Variants in PIRT observed in about 807,000 individuals in gnomAD.
PIRT encodes the protein phosphoinositide interacting regulator of transient receptor potential channels.
PIRT carries 6 observed loss-of-function variants against 7.9 expected under a neutral mutation model. The ratio of observed to expected loss-of-function variants is 0.76; its 90% CI spans 0.42 to 1.51. The LOEUF is 1.51. Ranked by LOEUF, PIRT falls within the 40% of genes most tolerant of loss-of-function variation. The pLI is 0.01. For missense variants in PIRT, 170 were observed against 172.9 expected, an observed-to-expected ratio of 0.98 and a Z score of 0.09; for synonymous variants, 78 against 71.8, an observed-to-expected ratio of 1.09 and a Z score of -0.44.
chr17:10,834,896 G>GTT (rs35273994), intron 1 of PIRT, among the ~76,000 whole-genome samples: 61 of 139,236 alleles, frequency 4.4e-4, no homozygotes, highest in African/African-American at 1.4e-3. Context: ...AGCGTTGTTT[G>GTT]TTTTTTTTTT....
chr17:10,837,728 C>T (rs561758927), intron 1 of PIRT, among the ~76,000 whole-genome samples: 2 of 152,308 alleles, frequency 1.3e-5, no homozygotes, highest in South Asian at 4.1e-4. Context: ...GCCCCCCTTC[C>T]TCTGGCCACC....
At chr17:10,833,782 C>A (rs1597588955) in intron 1 of PIRT, among the ~76,000 whole-genome samples, 1 of 151,690 alleles carries the variant, frequency 6.6e-6, no homozygotes, top group East Asian at 1.9e-4. Flanking sequence ...GTCAATGCTA[C>A]ATATGATTAA....
intron 1 of PIRT, among the ~76,000 whole-genome samples, chr17:10,827,684 A>G (rs1905367197): frequency 6.6e-6 from 1 of 151,832 alleles, no homozygotes; most frequent in Non-Finnish European, 1.5e-5. Flanking sequence ...CATGTTGGTC[A>G]GGCTGGTCTT....
intron 1 of PIRT, 139 bp from the exon 2 acceptor site, chr17:10,825,922 G>A (rs1905303334): frequency 3.4e-6 from 1 of 296,060 alleles, no homozygotes; most frequent in Non-Finnish European, 6.1e-6. Flanking sequence ...AAGGAACAGT[G>A]ATGCCATTTT....
chr17:10,836,224 C>T (rs1160662569), intron 1 of PIRT, among the ~76,000 whole-genome samples: 1 of 152,156 alleles, frequency 6.6e-6, no homozygotes, highest in East Asian at 1.9e-4. Context: ...TTTATTTATG[C>T]TTTCTCAAGG....
chr17:10,829,932 GA>G (rs1400400263), intron 1 of PIRT, among the ~76,000 whole-genome samples: 2 of 151,936 alleles, frequency 1.3e-5, no homozygotes, highest in Non-Finnish European at 2.9e-5. Context: ...TAACTGCTCA[GA>G]AAAAAATTGT....
At position 10,825,373 on chromosome 17, in the gene PIRT, C is replaced by A. The variant is rs1334485282; in HGVS notation, c.273G>T (p.Met91Ile). 1.2e-6 allele frequency: 2 copies of A among 1,613,962 alleles called. No individual in the cohort carries two copies. Among genetic ancestry groups the A allele is most frequent in the Admixed American group, 3.3e-5 (2 of 60,016 alleles). The change falls in exon 2 of 2, where the codon ATG becomes ATT. Residue 91 changes from methionine to isoleucine, a missense_variant. Transcript: ENST00000580256. ...LSDKSLSILKMVGPGFLSLGL... is the reference protein window; with the variant it reads ...LSDKSLSILKIVGPGFLSLGL... The stretch of plus-strand genomic sequence containing the variant: ...CCAGGGACAGGAAGCCAGGCCCTAC[C>A]ATTTTGAGGATGGAGAGACTCTTGT...
At chr17:10,834,550 G>C (rs561049711) in intron 1 of PIRT, among the ~76,000 whole-genome samples, 1 of 152,216 alleles carries the variant, frequency 6.6e-6, no homozygotes. Context: ...TTGCATGAGG[G>C]ACCCATTTGT....
chr17:10,835,863 C>G (rs1905576113), intron 1 of PIRT, among the ~76,000 whole-genome samples: 1 of 151,902 alleles, frequency 6.6e-6, no homozygotes, highest in Admixed American at 6.6e-5. Context: ...CATTTTGCAG[C>G]TAGGAGCACA....
In PIRT at chr17:10,824,357, G is replaced by A. The variant is rs2151532498; in HGVS notation, c.*875C>T. 1 of 152,306 alleles carries A rather than the reference G, an allele frequency of 6.6e-6. No individual in the cohort carries two copies. The highest frequency in any genetic ancestry group is 1.9e-4 in the East Asian group (1 of 5,180). The allele number at this position is 152,306 out of a possible 1,614,324, so 9.4% of individuals were successfully genotyped here. A position where few individuals can be genotyped will look rare whatever the true frequency, so the allele number is the denominator to read the frequency against. On this transcript the variant is annotated 3_prime_UTR_variant, in exon 2 of 2. Coordinates refer to ENST00000580256, the MANE Select transcript of PIRT (RefSeq NM_001101387.2). ...GATTCTCTCAATTTTGATCTTGATG[G>A]ACGTGAAAGGGAAAACAACCTTACA...
chr17:10,825,479 A>G lies in PIRT; in HGVS notation c.167T>C (p.Ile56Thr), dbSNP rs769911876. Reference protein sequence around the residue: ...RSNWEIYRKPIVIMSVGGAIL... With the variant: ...RSNWEIYRKPTVIMSVGGAIL... ...GGCACCGCCCACTGACATGATAACG[A>G]TGGGCTTGCGGTAGATTTCCCAGTT... The change falls in exon 2 of 2, where the codon ATC becomes ACC. Residue 56 changes from isoleucine to threonine, a missense_variant. Transcript: ENST00000580256. 6.2e-7 allele frequency: 1 copy of G among 1,613,876 alleles called. No individual in the cohort carries two copies. Among genetic ancestry groups the G allele is most frequent in the Non-Finnish European group, 8.5e-7 (1 of 1,179,864 alleles).
chr17:10,834,552 C>G (rs9914612), intron 1 of PIRT, among the ~76,000 whole-genome samples: 4,636 of 152,188 alleles, frequency 0.03, 225 homozygotes, highest in African/African-American at 0.1. Context: ...GCATGAGGGA[C>G]CCATTTGTCA....
intron 1 of PIRT, among the ~76,000 whole-genome samples, chr17:10,833,309 G>A (rs1045964068): frequency 6.6e-6 from 1 of 151,830 alleles, no homozygotes; most frequent in African/African-American, 2.4e-5. Context: ...GTGACCTGGG[G>A]ACAGGCATAG....
At chr17:10,827,380 G>A (rs761250943) in intron 1 of PIRT, among the ~76,000 whole-genome samples, 13 of 151,320 alleles carry the variant, frequency 8.6e-5, no homozygotes, top group South Asian at 2.1e-4. Context: ...CTGCTTGCCC[G>A]CCAAATACTT....
chr17:10,830,179 C>A (rs1180514623), intron 1 of PIRT, among the ~76,000 whole-genome samples: 1 of 152,130 alleles, frequency 6.6e-6, no homozygotes, highest in Non-Finnish European at 1.5e-5. Context: ...TGCCTACCCT[C>A]CTCTCCCTCC....
intron 1 of PIRT, among the ~76,000 whole-genome samples, chr17:10,833,564 C>G (rs953211543): frequency 6.6e-6 from 1 of 152,076 alleles, no homozygotes; most frequent in Non-Finnish European, 1.5e-5. Context: ...ACCAGCCTGG[C>G]CAACATGGTG....
intron 1 of PIRT, among the ~76,000 whole-genome samples, chr17:10,837,415 C>T (rs992690811): frequency 2.0e-5 from 3 of 152,236 alleles, no homozygotes; most frequent in African/African-American, 7.2e-5. Context: ...GTTTTTCTGG[C>T]ACCTGCCCCA....
intron 1 of PIRT, among the ~76,000 whole-genome samples, chr17:10,828,480 C>G (rs910775665): frequency 1.3e-5 from 2 of 152,148 alleles, no homozygotes; most frequent in Non-Finnish European, 2.9e-5. Context: ...TTACAAATAT[C>G]TCTATTTATG....
Position 10,825,440 on chromosome 17 carries a change from C to G in PIRT, c.206G>C (p.Gly69Ala). ...GTAGGCCAAGCAGGTGATGACCACG[C>G]CGAAAAGCAGGATGGCACCGCCCAC... Reference protein sequence around the residue: ...MSVGGAILLFGVVITCLAYTL... With the variant: ...MSVGGAILLFAVVITCLAYTL... The change falls in exon 2 of 2, where the codon GGC (glycine) becomes GCC (alanine). Residue 69 changes from glycine to alanine, a missense_variant. Gly to Ala is a moderately conservative substitution (Grantham distance 60). Coordinates refer to ENST00000580256, the MANE Select transcript of PIRT (RefSeq NM_001101387.2). 2.5e-6 allele frequency: 4 copies of G among 1,613,870 alleles called. No homozygotes were observed. Among genetic ancestry groups the G allele is most frequent in the Non-Finnish European group, 3.4e-6 (4 of 1,179,864 alleles).
Sources: gnomAD v4.1 joint callset for allele counts (sites outside exome capture counted in the v4.1 genomes callset) on GRCh38, gnomAD v4.1.1 for gene constraint, MANE v1.5 for transcripts, NCBI Gene and HGNC (gene_info 2026-07-23, HGNC 2026-07-21) for gene names.